The following ZBTB40 variants were observed in gnomAD, a reference collection of about 807,000 sequenced individuals.
ZBTB40 encodes zinc finger and BTB domain-containing protein 40.
A neutral mutation model predicts 117.5 loss-of-function variants in ZBTB40; 60 were observed. The observed-to-expected ratio is 0.51, with a 90% confidence interval of 0.41 to 0.63. The LOEUF (loss-of-function observed/expected upper bound fraction) is 0.63, where lower values mean the gene tolerates loss of function less well. Among genes scored for constraint, ZBTB40 ranks in the 30% least tolerant of loss-of-function variants. ZBTB40 has a pLI of 0.00. For missense variants in ZBTB40, 1,287 were observed against 1,498.5 expected (o/e 0.86, Z 2.33); for synonymous variants, 525 against 577.1 (o/e 0.91, Z 1.29).
rs1487478319 is a variant in ZBTB40 at position 22,528,475 on chromosome 1, G to T, written c.*2079G>T. ...AAAAAAACTCTTCGGAATAAAGAGG[G>T]CTGTAAATTTTGAATTCCAGTGTCA... On this transcript the variant is annotated 3_prime_UTR_variant, in exon 18 of 18. Coordinates refer to ENST00000375647, the MANE Select transcript of ZBTB40 (RefSeq NM_014870.4). 3 of 152,334 alleles carry T rather than the reference G, an allele frequency of 2.0e-5. No homozygotes were observed. Among genetic ancestry groups the T allele is most frequent in the Admixed American group, 6.5e-5 (1 of 15,278 alleles). 9.4% of individuals were successfully genotyped at this position (152,334 alleles called of 1,614,324 possible).
intron 1 of ZBTB40, among the ~76,000 whole-genome samples, chr1:22,459,689 TTC>T (rs759263339): frequency 2.0e-5 from 3 of 152,004 alleles, no homozygotes; most frequent in Non-Finnish European, 2.9e-5. Flanking sequence ...TGCTTGTTTA[TTC>T]TGGCATATGA....
chr1:22,526,302 C>A lies in ZBTB40; in HGVS notation c.3626C>A (p.Ser1209Tyr). Residue 1209 changes from serine (S) to tyrosine (Y), a missense_variant, in exon 18 of 18, where the codon TCT (serine) becomes TAT (tyrosine). By Grantham distance (144) the Ser-to-Tyr change is moderately radical. This residue lies in a region of ZBTB40 where 417 missense variants were observed against 564.1 expected (regional missense o/e 0.74). Transcript: ENST00000375647. Reference protein sequence around the residue: ...GSQVFVTLPDSQASQASSELV... With the variant: ...GSQVFVTLPDYQASQASSELV... Reference sequence around the variant, plus strand: ...CAGGTGTTTGTGACGTTGCCAGATTCTCAGGCATCTCAGGCCAGCTCTGAG... The same window carrying A: ...CAGGTGTTTGTGACGTTGCCAGATTATCAGGCATCTCAGGCCAGCTCTGAG... 1 of 1,614,216 alleles carries A rather than the reference C, an allele frequency of 6.2e-7. No homozygotes were observed. The highest frequency in any genetic ancestry group is 8.5e-7 in the Non-Finnish European group (1 of 1,180,044).
intron 12 of ZBTB40, 24 bp from the exon 13 acceptor site, chr1:22,517,276 T>A: frequency 6.2e-7 from 1 of 1,613,500 alleles, no homozygotes; most frequent in Non-Finnish European, 8.5e-7. Flanking sequence ...GTGCTGACTC[T>A]AATAAGCTCC....
chr1:22,511,094 T>C (rs993811975), intron 9 of ZBTB40, 85 bp from the exon 10 acceptor site: 3 of 76,062 alleles, frequency 3.9e-5, no homozygotes, highest in Admixed American at 2.6e-4. Flanking sequence ...TGGGATTAGC[T>C]TTTTTTTTTT....
At chr1:22,468,866 A>G (rs1641332118) in intron 1 of ZBTB40, among the ~76,000 whole-genome samples, 1 of 151,230 alleles carries the variant, frequency 6.6e-6, no homozygotes, top group African/African-American at 2.4e-5. Context: ...TTGCTCTATC[A>G]CTCAGGCTGG....
intron 12 of ZBTB40, among the ~76,000 whole-genome samples, chr1:22,514,911 G>T (rs1359619090): frequency 1.3e-5 from 2 of 152,110 alleles, no homozygotes; most frequent in Non-Finnish European, 2.9e-5. Context: ...CAGACATGGG[G>T]TATTATAAAT....
chr1:22,431,281 T>A lies in ZBTB40; in HGVS notation c.-70+2267T>A, dbSNP rs1231796067. ...TTGTATATATTGAATATATACAATA[T>A]TGTATATATTGAATATATTGAATAT... On this transcript the variant is annotated intron_variant, in intron 1 of 8. Coordinates refer to the ZBTB40 transcript ENST00000650433. 1.8e-4 allele frequency among the ~76,000 whole-genome samples: 27 copies of A among 148,000 alleles called. 1 individual carries two copies. Among genetic ancestry groups the A allele is most frequent in the African/African-American group, 6.1e-4 (25 of 40,730 alleles).
intron 1 of ZBTB40, among the ~76,000 whole-genome samples, chr1:22,479,654 C>A (rs1226554586): frequency 1.3e-5 from 2 of 152,088 alleles, no homozygotes; most frequent in African/African-American, 4.8e-5. Context: ...TAGAAAATTC[C>A]TAGATATGTC....
chr1:22,480,324 C>T (rs1026765350), intron 1 of ZBTB40, among the ~76,000 whole-genome samples: 1 of 152,108 alleles, frequency 6.6e-6, no homozygotes, highest in South Asian at 2.1e-4. Context: ...ACCTTTAATA[C>T]CTATACAGTC....
intron 16 of ZBTB40, 102 bp downstream of exon 16, chr1:22,522,565 T>G: frequency 9.0e-7 from 1 of 1,111,060 alleles, no homozygotes; most frequent in South Asian, 1.2e-5. Flanking sequence ...TTAACAAACC[T>G]GTGCCTCGGT....
chr1:22,474,943 T>A (rs78485476), intron 1 of ZBTB40, among the ~76,000 whole-genome samples: 556 of 140,794 alleles, frequency 3.9e-3, no homozygotes, highest in Non-Finnish European at 4.7e-3. Context: ...GTACCAACAA[T>A]AAAAAAAAAA....
intron 1 of ZBTB40, among the ~76,000 whole-genome samples, chr1:22,444,644 T>C (rs940083711): frequency 2.0e-5 from 3 of 152,170 alleles, no homozygotes; most frequent in Admixed American, 6.5e-5. Context: ...CAAGTGAGCA[T>C]GCGTACGACT....
At chr1:22,524,810 G>A (rs1163231752) in intron 17 of ZBTB40, among the ~76,000 whole-genome samples, 1 of 152,202 alleles carries the variant, frequency 6.6e-6, no homozygotes, top group Admixed American at 6.5e-5. Context: ...CTTGGAGAGC[G>A]CCTCTGGGCA....
In ZBTB40 at chr1:22,429,333, A is replaced by G. The variant is rs572989466; in HGVS notation, c.-70+319A>G. Among the ~76,000 whole-genome samples, 489 of 152,254 alleles carry G rather than the reference A, an allele frequency of 3.2e-3. 1 individual carries two copies. Among genetic ancestry groups the G allele is most frequent in the Non-Finnish European group, 4.4e-3 (300 of 68,006 alleles). ...AAGGCGGAGCTTGCAGTGAGCCGAC[A>G]TAGCGCCGTTGCACTCCAGCCTGGG... On this transcript the variant is annotated intron_variant, in intron 1 of 8. Coordinates refer to the ZBTB40 transcript ENST00000650433.
intron 3 of ZBTB40, among the ~76,000 whole-genome samples, chr1:22,500,696 GT>G (rs1638906357): frequency 6.6e-6 from 1 of 152,200 alleles, no homozygotes; most frequent in African/African-American, 2.4e-5. Context: ...TTGTATAAAC[GT>G]TGGTTAGGGG....
intron 5 of ZBTB40, 66 bp from the exon 6 acceptor site, chr1:22,505,983 A>T: frequency 3.2e-6 from 5 of 1,561,256 alleles, no homozygotes; most frequent in Non-Finnish European, 4.4e-6. Flanking sequence ...TAGGTTTTCC[A>T]GTAGTGTGTC....
chr1:22,510,163 G>C (rs940541722), intron 9 of ZBTB40, among the ~76,000 whole-genome samples: 1 of 152,196 alleles, frequency 6.6e-6, no homozygotes, highest in Non-Finnish European at 1.5e-5. Context: ...TCCTGAGTGG[G>C]GAAGAACAAG....
At chr1:22,509,637 C>G (rs1639176566) in intron 9 of ZBTB40, among the ~76,000 whole-genome samples, 1 of 152,270 alleles carries the variant, frequency 6.6e-6, no homozygotes, top group African/African-American at 2.4e-5. Context: ...GCGTGAGCCA[C>G]TGTGCCTGGC....
rs192849672 is a variant in ZBTB40, at chr1:22,531,045, A to G, written c.*4649A>G. Reference sequence around the variant, plus strand: ...CTCCCAACTTTATTATAAAATGGGGAAAATGATTGTGCTTGCCCTACAGAA... The same window carrying G: ...CTCCCAACTTTATTATAAAATGGGGGAAATGATTGTGCTTGCCCTACAGAA... On this transcript the variant is annotated 3_prime_UTR_variant, in exon 18 of 18. Transcript: ENST00000375647. 1.2e-4 allele frequency: 19 copies of G among 152,318 alleles called. No individual in the cohort carries two copies. The highest frequency in any genetic ancestry group is 4.3e-4 in the African/African-American group (18 of 41,566). The allele number at this position is 152,318 out of a possible 1,614,324, so 9.4% of individuals were successfully genotyped here. A position where few individuals can be genotyped will look rare whatever the true frequency, so the allele number is the denominator to read the frequency against.
Sources: gnomAD v4.1 joint callset for allele counts (sites outside exome capture counted in the v4.1 genomes callset) on GRCh38, gnomAD v4.1.1 for gene constraint, gnomAD v4.1.1 regional missense constraint, MANE v1.5 for transcripts, NCBI Gene and HGNC (gene_info 2026-07-23, HGNC 2026-07-21) for gene names.